The following DPY19L4 variants were observed in gnomAD, a reference collection of about 807,000 sequenced individuals.
The protein encoded by DPY19L4 is probable C-mannosyltransferase DPY19L4.
Under a neutral mutation model 102.8 loss-of-function variants are expected in DPY19L4, and 97 were observed. The observed-to-expected ratio is 0.94, with a 90% CI of 0.80 to 1.12. The LOEUF (loss-of-function observed/expected upper bound fraction) is 1.12, where lower values mean the gene tolerates loss of function less well. Among genes scored for constraint, DPY19L4 ranks in the 50% most tolerant of loss-of-function variants. The probability of loss-of-function intolerance (pLI) is 0.00; values close to 1 mark genes in which losing one functional copy is unlikely to be tolerated. For synonymous variants in DPY19L4, 252 were observed against 283.1 expected, an observed-to-expected ratio of 0.89 and a Z score of 1.10; for missense variants, 815 against 850.4, an observed-to-expected ratio of 0.96 and a Z score of 0.52.
rs763745771 is a variant in DPY19L4 at position 94,789,941 on chromosome 8, C to T, written c.*31C>T. ...AACAGAGCCTTCATTTCAAAGACTACCTGAAGTAAAATGCAGTTTTCTTCT... is the reference window on the plus strand; with the variant it reads ...AACAGAGCCTTCATTTCAAAGACTATCTGAAGTAAAATGCAGTTTTCTTCT... On this transcript the variant is annotated 3_prime_UTR_variant, in exon 19 of 19. Transcript: ENST00000414645. The T allele has an allele frequency of 3.2e-6, 5 of 1,574,576 alleles. No homozygotes were observed. Among genetic ancestry groups the T allele is most frequent in the Middle Eastern group, 1.7e-4 (1 of 5,958 alleles).
intron 6 of DPY19L4, among the ~76,000 whole-genome samples, chr8:94,750,800 T>G (rs1400745255): frequency 6.6e-6 from 1 of 151,626 alleles, no homozygotes; most frequent in African/African-American, 2.4e-5. Flanking sequence ...TTTTTTTTTT[T>G]GAGACAGGAT....
chr8:94,749,762 C>G (rs16917004), intron 6 of DPY19L4, among the ~76,000 whole-genome samples: 4,201 of 152,124 alleles, frequency 0.028, 140 homozygotes, highest in African/African-American at 0.079. Flanking sequence ...AATGATAAAC[C>G]CTTTATGGAT....
chr8:94,746,156 G>A (rs181292020), intron 6 of DPY19L4, among the ~76,000 whole-genome samples: 1 of 149,366 alleles, frequency 6.7e-6, no homozygotes, highest in East Asian at 2.0e-4. Context: ...CCACCTCCTG[G>A]GTTTAAGTGA....
At chr8:94,734,546 A>G in intron 2 of DPY19L4, 84 bp from the exon 3 acceptor site, 1 of 1,408,904 alleles carries the variant, frequency 7.1e-7, no homozygotes, top group Non-Finnish European at 9.6e-7. Context: ...GGGGACAAAG[A>G]CCATAGAGGT....
At chr8:94,730,349 G>A (rs891265809) in intron 2 of DPY19L4, among the ~76,000 whole-genome samples, 10 of 152,250 alleles carry the variant, frequency 6.6e-5, no homozygotes, top group Admixed American at 2.0e-4. Context: ...TTAAGAGTTT[G>A]AGACCAGGAA....
In DPY19L4 at chr8:94,777,766, A is replaced by C; in HGVS notation, c.1555A>C (p.Thr519Pro). The C allele has an allele frequency of 6.2e-7, 1 of 1,613,574 alleles. No homozygotes were observed. The highest frequency in any genetic ancestry group is 8.5e-7 in the Non-Finnish European group (1 of 1,179,802). The change falls in exon 14 of 19, where the codon ACT (threonine) becomes CCT (proline). Residue 519 changes from threonine to proline, a missense_variant. Transcript: ENST00000414645. ...ACTTTTCAAGTGGCTTCGATTAAGA[A>C]CTGTACACCCAATATTGTTGGTGAG... The part of the protein sequence containing the change: ...MTLFKWLRLR[T>P]VHPILLALIL...
At chr8:94,781,201 T>C (rs773032771) in intron 16 of DPY19L4, 35 bp downstream of exon 16, 3 of 1,452,664 alleles carry the variant, frequency 2.1e-6, no homozygotes, top group Non-Finnish European at 2.8e-6. Context: ...ATTATTAAGC[T>C]ATTAATTAAT....
At chr8:94,748,348 C>T (rs926929879) in intron 6 of DPY19L4, among the ~76,000 whole-genome samples, 4 of 152,102 alleles carry the variant, frequency 2.6e-5, no homozygotes, top group East Asian at 1.9e-4. Context: ...CCTTTGGGAA[C>T]GGAACTACTG....
chr8:94,765,402 C>T, intron 9 of DPY19L4, 88 bp downstream of exon 9: 1 of 1,256,376 alleles, frequency 8.0e-7, no homozygotes, highest in Non-Finnish European at 1.1e-6. Flanking sequence ...TGGAGTACAT[C>T]TCAGCTCACT....
chr8:94,772,306 C>A (rs79005124), intron 13 of DPY19L4, among the ~76,000 whole-genome samples: 3,750 of 152,210 alleles, frequency 0.025, 144 homozygotes, highest in African/African-American at 0.08. Flanking sequence ...ATTCCTAAGA[C>A]CATCCTTACT....
At position 94,725,021 on chromosome 8, in the gene DPY19L4, A is replaced by G. The variant is rs1426359885; in HGVS notation, c.17-1310A>G. Reference sequence around the variant, plus strand: ...CTAAATGTACAGCTTTTTTTTTATCACTATGCCAGTGTTTAAAGATATTTT... The same window carrying G: ...CTAAATGTACAGCTTTTTTTTTATCGCTATGCCAGTGTTTAAAGATATTTT... On this transcript the variant is annotated intron_variant, in intron 1 of 18. Coordinates refer to ENST00000414645, the MANE Select transcript of DPY19L4 (RefSeq NM_181787.3). Among the ~76,000 whole-genome samples, 3 of 150,864 alleles carry G rather than the reference A, an allele frequency of 2.0e-5. No individual in the cohort carries two copies. In the East Asian group the frequency reaches 5.8e-4, roughly 29 times the overall value.
At chr8:94,732,053 G>C (rs1810982899) in intron 2 of DPY19L4, among the ~76,000 whole-genome samples, 1 of 152,138 alleles carries the variant, frequency 6.6e-6, no homozygotes, top group Non-Finnish European at 1.5e-5. Flanking sequence ...TTACAGGCGT[G>C]AGCCACCGTG....
At chr8:94,781,721 A>G (rs2130931990) in intron 16 of DPY19L4, among the ~76,000 whole-genome samples, 1 of 152,350 alleles carries the variant, frequency 6.6e-6, no homozygotes, top group Middle Eastern at 3.4e-3. Flanking sequence ...AGGGGTAGAG[A>G]AAGAAGATGA....
intron 6 of DPY19L4, among the ~76,000 whole-genome samples, chr8:94,752,338 A>G (rs1454220301): frequency 6.6e-6 from 1 of 152,044 alleles, no homozygotes; most frequent in Non-Finnish European, 1.5e-5. Flanking sequence ...TAATCCCAGC[A>G]CTTTGGGAGG....
chr8:94,792,806 G>GA lies in DPY19L4; in HGVS notation c.*2897dup. 6.6e-6 allele frequency: 1 copy of GA among 152,240 alleles called. No homozygotes were observed. The highest frequency in any genetic ancestry group is 2.1e-4 in the South Asian group (1 of 4,830). 9.4% of individuals were successfully genotyped at this position (152,240 alleles called of 1,614,324 possible). A position where few individuals can be genotyped will look rare whatever the true frequency, so the allele number is the denominator to read the frequency against. On this transcript the variant is annotated 3_prime_UTR_variant, in exon 19 of 19. Coordinates refer to ENST00000414645, the MANE Select transcript of DPY19L4 (RefSeq NM_181787.3). ...CGAGGCGGAGCTTGCGGTGAGCCGA[G>GA]ATCATGCCGCTGCACTCCAGCCTGG... is the stretch of plus-strand genomic sequence containing the variant.
Position 94,739,705 on chromosome 8 carries a change from G to A in DPY19L4, c.526G>A (p.Val176Ile). 6.2e-7 allele frequency: 1 copy of A among 1,613,994 alleles called. No homozygotes were observed. Among genetic ancestry groups the A allele is most frequent in the Non-Finnish European group, 8.5e-7 (1 of 1,180,024 alleles). The change falls in exon 6 of 19, where the codon GTT becomes ATT. Residue 176 changes from valine to isoleucine, a missense_variant. By Grantham distance (29) the Val-to-Ile change is conservative. Transcript: ENST00000414645. Reference sequence around the variant, plus strand: ...TGTTTTTGGATTGCAAGGAATATATGTTACTGCTTTATTTGTTACAAGTTG... The same window carrying A: ...TGTTTTTGGATTGCAAGGAATATATATTACTGCTTTATTTGTTACAAGTTG... Reference protein sequence around the residue: ...GIVFGLQGIYVTALFVTSWLM... With the variant: ...GIVFGLQGIYITALFVTSWLM...
chr8:94,720,825 A>G (rs1810423358), intron 1 of DPY19L4, among the ~76,000 whole-genome samples: 1 of 152,232 alleles, frequency 6.6e-6, no homozygotes, highest in Admixed American at 6.5e-5. Context: ...GATAACCCCT[A>G]CTAGTTTCAG....
intron 7 of DPY19L4, among the ~76,000 whole-genome samples, chr8:94,760,005 C>G (rs552352217): frequency 7.9e-5 from 12 of 152,294 alleles, no homozygotes; most frequent in African/African-American, 2.9e-4. Flanking sequence ...GTTCACACTA[C>G]AGGCACAGTG....
chr8:94,767,688 T>C (rs1812739945), intron 11 of DPY19L4, among the ~76,000 whole-genome samples: 1 of 152,186 alleles, frequency 6.6e-6, no homozygotes, highest in South Asian at 2.1e-4. Context: ...ATGATTTATC[T>C]TAATAAGTAG....
Sources: allele counts gnomAD v4.1 joint callset (sites outside exome capture counted in the v4.1 genomes callset), GRCh38; gene constraint gnomAD v4.1.1; transcripts MANE v1.5; gene names NCBI Gene and HGNC (gene_info 2026-07-23, HGNC 2026-07-21).